Variants in SLC26A7 observed in about 807,000 individuals in gnomAD.
SLC26A7 encodes solute carrier family 26 member 7, also known as anion exchange transporter.
In SLC26A7, 59 loss-of-function variants were observed where a neutral mutation model predicts 82.5. The ratio of observed to expected loss-of-function variants is 0.72; its 90% confidence interval spans 0.58 to 0.89. The LOEUF is 0.89. SLC26A7 is among the 40% of genes least tolerant of loss of function. SLC26A7 has a pLI of 0.00. For synonymous variants in SLC26A7, 271 were observed against 274.3 expected (o/e 0.99, Z 0.12); for missense variants, 820 against 793.0 (o/e 1.03, Z -0.41).
intron 2 of SLC26A7, among the ~76,000 whole-genome samples, chr8:91,251,047 A>AT (rs5893167): frequency 4.0e-5 from 6 of 151,512 alleles, no homozygotes; most frequent in Non-Finnish European, 7.4e-5. Flanking sequence ...TAAGTGATGA[A>AT]TTTTTTTTTT....
At chr8:91,384,421 G>C (rs1193723265) in intron 15 of SLC26A7, among the ~76,000 whole-genome samples, 5 of 152,016 alleles carry the variant, frequency 3.3e-5, no homozygotes, top group Non-Finnish European at 5.9e-5. Flanking sequence ...GAAAAATCTA[G>C]GATAACCTGC....
intron 16 of SLC26A7, among the ~76,000 whole-genome samples, chr8:91,390,114 T>A (rs1013933674): frequency 6.6e-6 from 1 of 151,412 alleles, no homozygotes; most frequent in African/African-American, 2.4e-5. Context: ...ACCCGCCTTT[T>A]TTTTTTTTTT....
intron 3 of SLC26A7, among the ~76,000 whole-genome samples, chr8:91,290,822 A>G (rs552761025): frequency 1.1e-3 from 167 of 152,278 alleles, no homozygotes; most frequent in Admixed American, 2.6e-3. Flanking sequence ...ATTTATGTAG[A>G]TTTGGCTTTT....
chr8:91,281,957 GTTC>G (rs1245658779), intron 2 of SLC26A7, among the ~76,000 whole-genome samples: 2 of 152,114 alleles, frequency 1.3e-5, no homozygotes, highest in East Asian at 1.9e-4. Context: ...CTCTTTGGGA[GTTC>G]TTATTTTTTA....
chr8:91,386,600 T>C (rs1814805768), intron 15 of SLC26A7, among the ~76,000 whole-genome samples: 1 of 152,174 alleles, frequency 6.6e-6, no homozygotes, highest in African/African-American at 2.4e-5. Flanking sequence ...TTACTGATGA[T>C]TTTCTTTATA....
intron 15 of SLC26A7, among the ~76,000 whole-genome samples, chr8:91,387,081 G>C (rs1002507183): frequency 2.0e-5 from 3 of 151,886 alleles, no homozygotes; most frequent in African/African-American, 7.3e-5. Context: ...TTAATTGTTA[G>C]AGATTTTTAT....
intron 15 of SLC26A7, among the ~76,000 whole-genome samples, chr8:91,377,030 G>A (rs2130889299): frequency 6.6e-6 from 1 of 152,252 alleles, no homozygotes; most frequent in Middle Eastern, 3.4e-3. Context: ...CCAGTCCAGA[G>A]CAGACAACTC....
At chr8:91,294,637 A>G (rs1811968268) in intron 3 of SLC26A7, among the ~76,000 whole-genome samples, 1 of 152,154 alleles carries the variant, frequency 6.6e-6, no homozygotes, top group Non-Finnish European at 1.5e-5. Flanking sequence ...TTGTTTCTAT[A>G]ACCCAAATTT....
chr8:91,256,219 T>C (rs1810798315), intron 2 of SLC26A7, among the ~76,000 whole-genome samples: 1 of 152,144 alleles, frequency 6.6e-6, no homozygotes, highest in South Asian at 2.1e-4. Flanking sequence ...CATTGAGGCA[T>C]TGTCTTCCTT....
chr8:91,310,086 G>T (rs776800615), intron 4 of SLC26A7, among the ~76,000 whole-genome samples: 6 of 151,862 alleles, frequency 4.0e-5, no homozygotes, highest in African/African-American at 1.5e-4. Flanking sequence ...CCTTTCCCTG[G>T]TTCTGGCTGG....
chr8:91,237,125 C>T (rs1297731032), intron 2 of SLC26A7, among the ~76,000 whole-genome samples: 2 of 152,132 alleles, frequency 1.3e-5, no homozygotes, highest in Non-Finnish European at 2.9e-5. Context: ...TAGAACATAC[C>T]CTGAACTCTG....
chr8:91,251,286 G>C (rs1336667263), intron 2 of SLC26A7, among the ~76,000 whole-genome samples: 1 of 151,890 alleles, frequency 6.6e-6, no homozygotes, highest in Non-Finnish European at 1.5e-5. Flanking sequence ...TAGATTTTGA[G>C]GGATTTTGTT....
At chr8:91,336,511 C>G (rs922232518) in intron 6 of SLC26A7, among the ~76,000 whole-genome samples, 1 of 151,776 alleles carries the variant, frequency 6.6e-6, no homozygotes, top group Non-Finnish European at 1.5e-5. Flanking sequence ...CAAACCATCT[C>G]CCCCCTCCTC....
chr8:91,224,662 A>C (rs1810209524), intron 2 of SLC26A7, among the ~76,000 whole-genome samples: 1 of 152,180 alleles, frequency 6.6e-6, no homozygotes, highest in Non-Finnish European at 1.5e-5. Flanking sequence ...GGTCTCACCC[A>C]GTTGGGTGGC....
At chr8:91,340,972 T>C (rs1563688401) in intron 8 of SLC26A7, among the ~76,000 whole-genome samples, 1 of 149,642 alleles carries the variant, frequency 6.7e-6, no homozygotes, top group Admixed American at 6.7e-5. Context: ...AAAATACTTT[T>C]GCATATGTCC....
In SLC26A7 at chr8:91,273,082, G is replaced by A. The variant is rs143435315; in HGVS notation, c.194-16054G>A. On this transcript the variant is annotated intron_variant, in intron 2 of 18. Coordinates refer to ENST00000276609, the MANE Select transcript of SLC26A7 (RefSeq NM_052832.4). ...GATGACTTCCAGGTTTCTTAATTGGGTGACTGGATGGGTGGTGATGCCATT... is the reference window on the plus strand; with the variant it reads ...GATGACTTCCAGGTTTCTTAATTGGATGACTGGATGGGTGGTGATGCCATT... Among the ~76,000 whole-genome samples, 60 of 152,252 alleles carry A rather than the reference G, an allele frequency of 3.9e-4. No individual in the cohort carries two copies. In the East Asian group the frequency reaches 0.011, roughly 28 times the overall value.
At chr8:91,216,818 ATGTAT>A (rs553062556) in intron 1 of SLC26A7, among the ~76,000 whole-genome samples, 16 of 152,050 alleles carry the variant, frequency 1.1e-4, no homozygotes, top group Non-Finnish European at 1.6e-4. Flanking sequence ...TTCTGGACTA[ATGTAT>A]TGTTGATATC....
In SLC26A7 at chr8:91,293,046, A is replaced by T. The variant is rs574742968; in HGVS notation, c.305-2485A>T. Among the ~76,000 whole-genome samples the T allele has an allele frequency of 1.2e-3, 187 of 152,332 alleles. 1 individual carries two copies. The highest frequency in any genetic ancestry group is 1.8e-3 in the Non-Finnish European group (124 of 68,026). ...ATAGGACTTGAGACAGTGTTTTTTT[A>T]AAATATGAAATCTCATTTATTCTCT... On this transcript the variant is annotated intron_variant, in intron 3 of 18. Coordinates refer to ENST00000276609, the MANE Select transcript of SLC26A7 (RefSeq NM_052832.4).
chr8:91,266,564 T>C (rs1158762162), intron 2 of SLC26A7, among the ~76,000 whole-genome samples: 2 of 151,968 alleles, frequency 1.3e-5, no homozygotes, highest in African/African-American at 2.4e-5. Context: ...ATGCTTTTGG[T>C]TTTTTTGATT....
Sources: gnomAD v4.1 joint callset for allele counts (sites outside exome capture counted in the v4.1 genomes callset) on GRCh38, gnomAD v4.1.1 for gene constraint, MANE v1.5 for transcripts, NCBI Gene and HGNC (gene_info 2026-07-23, HGNC 2026-07-21) for gene names.